SPOCK1: variants seen among roughly 807,000 people sequenced by gnomAD.
SPOCK1 encodes testican-1.
Under a neutral mutation model 55.3 loss-of-function variants are expected in SPOCK1, and 23 were observed. That is an observed-to-expected ratio of 0.42 (90% CI 0.30 to 0.59). The LOEUF is 0.59. Ranked by LOEUF, SPOCK1 falls within the 20% of genes least tolerant of loss-of-function variation. The pLI, the probability that SPOCK1 is intolerant of heterozygous loss-of-function variation, is 0.22. For synonymous variants in SPOCK1, 226 were observed against 221.0 expected, an observed-to-expected ratio of 1.02 and a Z score of -0.20; for missense variants, 499 against 552.5, an observed-to-expected ratio of 0.90 and a Z score of 0.97.
chr5:137,277,096 C>G (rs1309438589), intron 2 of SPOCK1, among the ~76,000 whole-genome samples: 2 of 152,022 alleles, frequency 1.3e-5, no homozygotes, highest in Non-Finnish European at 2.9e-5. Flanking sequence ...GTCACTGTAA[C>G]CTGGAACTCC....
At chr5:137,126,122 T>C (rs1270625329) in intron 4 of SPOCK1, among the ~76,000 whole-genome samples, 1 of 152,192 alleles carries the variant, frequency 6.6e-6, no homozygotes, top group East Asian at 1.9e-4. Flanking sequence ...TGGGTGCCAT[T>C]CTCACTGTAA....
chr5:137,162,063 C>G (rs1487053085), intron 3 of SPOCK1, among the ~76,000 whole-genome samples: 1 of 151,808 alleles, frequency 6.6e-6, no homozygotes, highest in Non-Finnish European at 1.5e-5. Context: ...TCTTTTCCTC[C>G]CTCCCTAGGG....
intron 2 of SPOCK1, among the ~76,000 whole-genome samples, chr5:137,303,511 G>A (rs908452618): frequency 5.9e-5 from 9 of 152,164 alleles, no homozygotes; most frequent in South Asian, 4.1e-4. Flanking sequence ...TCATTTTTGC[G>A]TTTGCTATTA....
chr5:137,491,016 A>G (rs1740982719), intron 2 of SPOCK1, among the ~76,000 whole-genome samples: 1 of 152,202 alleles, frequency 6.6e-6, no homozygotes, highest in South Asian at 2.1e-4. Flanking sequence ...AAATTAAATG[A>G]TTATAGATCA....
intron 2 of SPOCK1, among the ~76,000 whole-genome samples, chr5:137,331,916 A>G (rs577846886): frequency 9.9e-5 from 15 of 152,102 alleles, no homozygotes; most frequent in Non-Finnish European, 2.1e-4. Context: ...ATTGACCTTC[A>G]AGTTCCACCC....
At chr5:136,999,373 C>T (rs551687487) in intron 6 of SPOCK1, among the ~76,000 whole-genome samples, 26 of 152,248 alleles carry the variant, frequency 1.7e-4, no homozygotes, top group African/African-American at 3.1e-4. Flanking sequence ...GCCTGTACCC[C>T]GGGACCCCAT....
intron 2 of SPOCK1, among the ~76,000 whole-genome samples, chr5:137,351,187 G>C (rs1455891091): frequency 6.6e-6 from 1 of 152,192 alleles, no homozygotes. Context: ...GGGTTGGAAA[G>C]GTAGACCTTC....
At chr5:137,087,544 G>T (rs1297588646) in intron 5 of SPOCK1, among the ~76,000 whole-genome samples, 1 of 152,220 alleles carries the variant, frequency 6.6e-6, no homozygotes, top group Admixed American at 6.5e-5. Context: ...CCTCCACGAG[G>T]TCTCTCACTC....
chr5:137,294,992 C>G (rs994393938), intron 2 of SPOCK1, among the ~76,000 whole-genome samples: 2 of 152,152 alleles, frequency 1.3e-5, no homozygotes, highest in South Asian at 2.1e-4. Flanking sequence ...CTGCCCTTCT[C>G]CCTTTATTTT....
rs1754453090 is a variant in SPOCK1, at chr5:137,158,064, C to G, written c.233-17370G>C. Among the ~76,000 whole-genome samples the G allele has an allele frequency of 4.0e-5, 6 of 151,892 alleles. No homozygotes were observed. The South Asian group carries it at 1.2e-3, about 32-fold the overall frequency. On this transcript the variant is annotated intron_variant, in intron 3 of 10. Coordinates refer to ENST00000394945, the MANE Select transcript of SPOCK1 (RefSeq NM_004598.4). Reference sequence around the variant, plus strand: ...GCAGCAAGAGGGAGACTCCATCCCCCCAAAAAAAAGAAAACTTGCCACAAA... The same window carrying G: ...GCAGCAAGAGGGAGACTCCATCCCCGCAAAAAAAAGAAAACTTGCCACAAA...
Position 137,413,144 on chromosome 5 carries a change from G to A in SPOCK1, c.186+85229C>T, listed in dbSNP as rs559396616. ...ACTATTACCTCATTTTAGAAATGAG[G>A]ACAGTAGCTCAAAATTCTTTTCTTC... On this transcript the variant is annotated intron_variant, in intron 2 of 10. Coordinates refer to ENST00000394945, the MANE Select transcript of SPOCK1 (RefSeq NM_004598.4). Among the ~76,000 whole-genome samples, 10 of 152,256 alleles carry A rather than the reference G, an allele frequency of 6.6e-5. No homozygotes were observed. In the South Asian group the frequency reaches 2.1e-3, roughly 32 times the overall value.
chr5:137,280,363 C>G (rs735824), intron 2 of SPOCK1, among the ~76,000 whole-genome samples: 9,383 of 152,176 alleles, frequency 0.062, 485 homozygotes, highest in African/African-American at 0.14. Context: ...CCTTCCAGTC[C>G]TAACATTGTA....
chr5:137,445,061 G>A (rs751062364), intron 2 of SPOCK1, among the ~76,000 whole-genome samples: 2 of 152,162 alleles, frequency 1.3e-5, no homozygotes, highest in Non-Finnish European at 2.9e-5. Context: ...TACAAATGGT[G>A]GAGAACGAGG....
intron 3 of SPOCK1, among the ~76,000 whole-genome samples, chr5:137,246,042 T>C (rs2127103173): frequency 6.6e-6 from 1 of 152,354 alleles, no homozygotes; most frequent in East Asian, 1.9e-4. Flanking sequence ...GATTTCTTAG[T>C]TGTCCTCTAT....
chr5:137,372,066 T>C (rs958845756), intron 2 of SPOCK1, among the ~76,000 whole-genome samples: 2 of 152,228 alleles, frequency 1.3e-5, no homozygotes, highest in Admixed American at 1.3e-4. Context: ...TATTTTAAAA[T>C]ATTAATGATC....
intron 3 of SPOCK1, among the ~76,000 whole-genome samples, chr5:137,208,683 A>G (rs192433163): frequency 2.0e-3 from 303 of 152,272 alleles, no homozygotes; most frequent in Non-Finnish European, 3.4e-3. Context: ...AAAGATGGCA[A>G]CAATAGACAG....
intron 3 of SPOCK1, among the ~76,000 whole-genome samples, chr5:137,194,784 C>T (rs78740064): frequency 0.016 from 2,504 of 152,270 alleles, 76 homozygotes; most frequent in African/African-American, 0.056. Flanking sequence ...TCCAGGTCCA[C>T]GAAGACTCAG....
At chr5:137,271,307 C>G (rs533143078) in intron 2 of SPOCK1, among the ~76,000 whole-genome samples, 2 of 150,510 alleles carry the variant, frequency 1.3e-5, no homozygotes, top group East Asian at 3.9e-4. Flanking sequence ...ACTATTAATG[C>G]TTTAGAGATA....
At chr5:137,270,396 T>C (rs1434644) in intron 2 of SPOCK1, among the ~76,000 whole-genome samples, 103,382 of 152,010 alleles carry the variant, frequency 0.68, 35,683 homozygotes, top group African/African-American at 0.77. Context: ...CATTAATGCA[T>C]TCCACAGGTT....
Sources: allele counts gnomAD v4.1 joint callset (sites outside exome capture counted in the v4.1 genomes callset), GRCh38; gene constraint gnomAD v4.1.1; transcripts MANE v1.5; gene names NCBI Gene and HGNC (gene_info 2026-07-23, HGNC 2026-07-21).